The following FAM81A variants were observed in gnomAD, a reference collection of about 807,000 sequenced individuals.
FAM81A encodes family with sequence similarity 81 member A.
A neutral mutation model predicts 46.7 loss-of-function variants in FAM81A; 19 were observed. The ratio of observed to expected loss-of-function variants is 0.41; its 90% CI spans 0.28 to 0.60. FAM81A has a LOEUF of 0.60. Ranked by LOEUF, FAM81A falls within the 20% of genes least tolerant of loss-of-function variation. The pLI is 0.34. For missense variants in FAM81A, 377 were observed against 453.5 expected (o/e 0.83, Z 1.53); for synonymous variants, 183 against 152.9 (o/e 1.20, Z -1.45).
chr15:59,401,090 G>T (rs1446962904), intron 1 of FAM81A: 18 of 552,464 alleles, frequency 3.3e-5, no homozygotes, highest in Non-Finnish European at 5.0e-5. Context: ...CCATTTTAAT[G>T]TTTGCAATTT....
At chr15:59,502,694 TA>T (rs2082107600) in intron 4 of FAM81A, among the ~76,000 whole-genome samples, 1 of 151,806 alleles carries the variant, frequency 6.6e-6, no homozygotes, top group East Asian at 1.9e-4. Flanking sequence ...TTGTATTTTT[TA>T]TTTTTTAGTA....
At chr15:59,479,496 G>T (rs957934453) in intron 3 of FAM81A, among the ~76,000 whole-genome samples, 4 of 133,760 alleles carry the variant, frequency 3.0e-5, no homozygotes, top group Admixed American at 7.9e-5. Flanking sequence ...GGGTGACAGA[G>T]TGAGACTCTG....
intron 3 of FAM81A, among the ~76,000 whole-genome samples, chr15:59,485,403 G>A (rs1377905491): frequency 6.6e-6 from 1 of 152,194 alleles, no homozygotes; most frequent in African/African-American, 2.4e-5. Context: ...GCTCCAGGTA[G>A]CTCAGCACAA....
chr15:59,437,572 G>A (rs2081251950), upstream of FAM81A, among the ~76,000 whole-genome samples: 1 of 152,054 alleles, frequency 6.6e-6, no homozygotes, highest in Non-Finnish European at 1.5e-5. Context: ...GATGAGACAC[G>A]ATCCTGGGTC....
At chr15:59,420,427 G>A (rs904582628) in intron 2 of FAM81A, among the ~76,000 whole-genome samples, 2 of 152,124 alleles carry the variant, frequency 1.3e-5, no homozygotes, top group South Asian at 4.1e-4. Flanking sequence ...CTTAACTAAG[G>A]GAAGCTAAAT....
chr15:59,428,487 C>T (rs1490766398), intron 2 of FAM81A, among the ~76,000 whole-genome samples: 2 of 150,198 alleles, frequency 1.3e-5, no homozygotes, highest in Admixed American at 6.6e-5. Flanking sequence ...GTTGCCCAGG[C>T]TGGTCTCAAA....
intron 3 of FAM81A, among the ~76,000 whole-genome samples, chr15:59,490,785 G>A (rs772370387): frequency 9.9e-5 from 15 of 152,144 alleles, no homozygotes; most frequent in Non-Finnish European, 1.3e-4. Context: ...GCAGTGAGCC[G>A]ATATCATGCC....
At chr15:59,401,916 C>T (rs1596456809) in intron 1 of FAM81A, 7 of 759,630 alleles carry the variant, frequency 9.2e-6, no homozygotes, top group Admixed American at 5.4e-5. Context: ...ATGAGCCTCT[C>T]GACTTTCTTT....
At chr15:59,463,324 C>G in intron 3 of FAM81A, among the ~76,000 whole-genome samples, 1 of 151,912 alleles carries the variant, frequency 6.6e-6, no homozygotes, top group African/African-American at 2.4e-5. Context: ...TTCCACTGTT[C>G]TGTATGATTT....
chr15:59,492,510 C>T (rs968775547), intron 4 of FAM81A, 121 bp downstream of exon 4: 26 of 741,746 alleles, frequency 3.5e-5, no homozygotes, highest in African/African-American at 1.2e-4. Context: ...TAGTACATTC[C>T]CTCCCTGCTT....
chr15:59,415,950 G>C (rs1257695143), intron 2 of FAM81A, among the ~76,000 whole-genome samples: 2 of 152,174 alleles, frequency 1.3e-5, no homozygotes, highest in African/African-American at 2.4e-5. Context: ...TCACAGACTG[G>C]GTTCTGGAGC....
At chr15:59,456,378 C>T (rs570923422) in intron 1 of FAM81A, among the ~76,000 whole-genome samples, 1 of 152,050 alleles carries the variant, frequency 6.6e-6, no homozygotes, top group Non-Finnish European at 1.5e-5. Context: ...CAGGCCAGAG[C>T]ATGTTCAGAA....
chr15:59,468,639 T>C (rs1291353052), intron 3 of FAM81A, among the ~76,000 whole-genome samples: 1 of 141,440 alleles, frequency 7.1e-6, no homozygotes, highest in Non-Finnish European at 1.5e-5. Context: ...ATCAATTTTG[T>C]TGATGTTTAA....
At chr15:59,466,111 A>C (rs2081610112) in intron 3 of FAM81A, among the ~76,000 whole-genome samples, 1 of 152,216 alleles carries the variant, frequency 6.6e-6, no homozygotes. Flanking sequence ...TCTATCACTG[A>C]TGGACATTTG....
At chr15:59,470,745 A>C (rs2081676311) in intron 3 of FAM81A, among the ~76,000 whole-genome samples, 1 of 151,970 alleles carries the variant, frequency 6.6e-6, no homozygotes, top group Admixed American at 6.6e-5. Context: ...CTTTGTTGAA[A>C]TCACCCGTCT....
chr15:59,509,280 C>A (rs1232664476), intron 6 of FAM81A, among the ~76,000 whole-genome samples: 1 of 152,152 alleles, frequency 6.6e-6, no homozygotes, highest in Non-Finnish European at 1.5e-5. Flanking sequence ...GTCTGGGGAG[C>A]TGATGACCAT....
At chr15:59,420,349 T>A (rs532064087) in intron 2 of FAM81A, among the ~76,000 whole-genome samples, 1 of 152,272 alleles carries the variant, frequency 6.6e-6, no homozygotes, top group East Asian at 1.9e-4. Flanking sequence ...CTTTTGTGGG[T>A]TCATGTCATT....
intron 2 of FAM81A, among the ~76,000 whole-genome samples, chr15:59,404,113 C>A (rs568593046): frequency 6.6e-6 from 1 of 152,152 alleles, no homozygotes; most frequent in African/African-American, 2.4e-5. Flanking sequence ...GATCTCTTGA[C>A]CTCATGATTC....
intron 3 of FAM81A, among the ~76,000 whole-genome samples, chr15:59,470,539 G>A (rs1472820560): frequency 5.9e-5 from 9 of 152,112 alleles, no homozygotes; most frequent in Admixed American, 5.9e-4. Context: ...CTCGTGCCAT[G>A]GTTTTCAGCT....
Sources: gnomAD v4.1 joint callset for allele counts (sites outside exome capture counted in the v4.1 genomes callset) on GRCh38, gnomAD v4.1.1 for gene constraint, MANE v1.5 for transcripts, NCBI Gene and HGNC (gene_info 2026-07-23, HGNC 2026-07-21) for gene names.